Variants in EYS observed in about 807,000 individuals in gnomAD.
EYS encodes the protein EGF-like photoreceptor maintenance factor.
In EYS, 250 loss-of-function variants were observed where a neutral mutation model predicts 282.1. The ratio of observed to expected loss-of-function variants is 0.89; its 90% CI spans 0.80 to 0.98. The LOEUF (loss-of-function observed/expected upper bound fraction) is 0.98. EYS is among the 50% of genes least tolerant of loss of function. The probability of loss-of-function intolerance (pLI) is 0.00; values close to 1 mark genes in which losing one functional copy is unlikely to be tolerated. For missense variants in EYS, 4,016 were observed against 3,709.0 expected, an observed-to-expected ratio of 1.08 and a Z score of -2.15; for synonymous variants, 1,355 against 1,282.9, an observed-to-expected ratio of 1.06 and a Z score of -1.20.
chr6:63,750,375 GT>G (rs1224232643), intron 41 of EYS, among the ~76,000 whole-genome samples: 6 of 152,126 alleles, frequency 3.9e-5, no homozygotes, highest in Non-Finnish European at 8.8e-5. Flanking sequence ...CTCTATCCCA[GT>G]TTTTATATTC....
At chr6:65,614,341 T>A (rs1766109759) in intron 2 of EYS, among the ~76,000 whole-genome samples, 1 of 152,054 alleles carries the variant, frequency 6.6e-6, no homozygotes, top group African/African-American at 2.4e-5. Flanking sequence ...AGAATCTTGT[T>A]GTCTGGGGTC....
At chr6:65,441,995 C>A (rs570170762) in intron 5 of EYS, among the ~76,000 whole-genome samples, 3 of 152,114 alleles carry the variant, frequency 2.0e-5, no homozygotes, top group Non-Finnish European at 2.9e-5. Context: ...TTTTTTGTGA[C>A]ATGATTCATT....
rs752660375 is a variant in EYS at position 64,821,730 on chromosome 6, C to A, written c.3165-7G>T. The stretch of plus-strand genomic sequence containing the variant: ...ATTAATAAGTTCTGTGCACCTGAAA[C>A]ACAGAATTAGAATTACATTTTCAAA... On this transcript the variant is annotated splice_region_variant and splice_polypyrimidine_tract_variant and intron_variant, in intron 20 of 42. Transcript: ENST00000503581. The A allele has an allele frequency of 6.8e-7, 1 of 1,465,970 alleles. No individual in the cohort carries two copies. The highest frequency in any genetic ancestry group is 9.3e-7 in the Non-Finnish European group (1 of 1,073,824). 90.8% of individuals were successfully genotyped at this position (1,465,970 alleles called of 1,614,324 possible).
At chr6:64,342,671 A>C (rs1480308507) in intron 29 of EYS, among the ~76,000 whole-genome samples, 1 of 152,074 alleles carries the variant, frequency 6.6e-6, no homozygotes, top group Non-Finnish European at 1.5e-5. Context: ...CGAGCAAAAT[A>C]AGCAGCTAAC....
intron 12 of EYS, among the ~76,000 whole-genome samples, chr6:65,247,895 T>C (rs757704557): frequency 1.3e-5 from 2 of 152,062 alleles, no homozygotes; most frequent in African/African-American, 2.4e-5. Context: ...TCTTTAGGCT[T>C]TACAATTAAA....
At chr6:65,379,700 T>C (rs1464457449) in intron 8 of EYS, among the ~76,000 whole-genome samples, 2 of 151,994 alleles carry the variant, frequency 1.3e-5, no homozygotes, top group East Asian at 1.9e-4. Context: ...GAATACATGA[T>C]TGTATATTTA....
intron 2 of EYS, among the ~76,000 whole-genome samples, chr6:65,536,160 C>A (rs191154600): frequency 2.0e-5 from 3 of 151,598 alleles, no homozygotes; most frequent in South Asian, 2.1e-4. Flanking sequence ...GAGAATCATA[C>A]GACTATAGAA....
intron 31 of EYS, among the ~76,000 whole-genome samples, chr6:64,095,491 C>T (rs895503332): frequency 1.1e-4 from 16 of 151,988 alleles, no homozygotes; most frequent in African/African-American, 3.9e-4. Context: ...TTGAATTGAT[C>T]CCTTTACCAT....
intron 35 of EYS, among the ~76,000 whole-genome samples, chr6:63,983,194 A>C (rs1767183959): frequency 6.6e-6 from 1 of 151,786 alleles, no homozygotes; most frequent in African/African-American, 2.4e-5. Context: ...GAATAGGTCT[A>C]TGTTGCTGTT....
At chr6:64,992,116 C>G (rs546741779) in intron 14 of EYS, among the ~76,000 whole-genome samples, 1 of 151,744 alleles carries the variant, frequency 6.6e-6, no homozygotes, top group South Asian at 2.1e-4. Flanking sequence ...ACAATTGAGT[C>G]CAGCTCCTAC....
intron 2 of EYS, among the ~76,000 whole-genome samples, chr6:65,553,569 G>A (rs1768677805): frequency 6.6e-6 from 1 of 152,020 alleles, no homozygotes; most frequent in Non-Finnish European, 1.5e-5. Context: ...TTACCTATGA[G>A]ACTTTTGTTA....
intron 5 of EYS, among the ~76,000 whole-genome samples, chr6:65,453,747 T>G (rs1764497686): frequency 6.6e-6 from 1 of 152,034 alleles, no homozygotes; most frequent in South Asian, 2.1e-4. Flanking sequence ...TTCTTTTATT[T>G]TAGATACCAG....
At chr6:65,115,776 A>ATTT (rs60560844) in intron 12 of EYS, among the ~76,000 whole-genome samples, 1 of 151,762 alleles carries the variant, frequency 6.6e-6, no homozygotes, top group Non-Finnish European at 1.5e-5. Flanking sequence ...TAAAAGACAT[A>ATTT]GATTAGATTT....
At chr6:64,166,835 T>C (rs749831571) in intron 31 of EYS, among the ~76,000 whole-genome samples, 98 of 152,372 alleles carry the variant, frequency 6.4e-4, no homozygotes, top group Non-Finnish European at 1.0e-3. Flanking sequence ...TTGCTAATGA[T>C]AATGTATCTT....
At chr6:64,077,757 T>C (rs1025809637) in intron 32 of EYS, among the ~76,000 whole-genome samples, 8 of 152,000 alleles carry the variant, frequency 5.3e-5, no homozygotes, top group Non-Finnish European at 7.4e-5. Context: ...AGCCTCCTGA[T>C]TGATACTGCT....
At chr6:64,864,528 G>C (rs1290564179) in intron 19 of EYS, among the ~76,000 whole-genome samples, 1 of 150,402 alleles carries the variant, frequency 6.6e-6, no homozygotes, top group African/African-American at 2.4e-5. Context: ...TGGGATTACA[G>C]GCACACGCCA....
At chr6:64,037,312 A>T (rs1770169317) in intron 33 of EYS, among the ~76,000 whole-genome samples, 1 of 152,206 alleles carries the variant, frequency 6.6e-6, no homozygotes, top group African/African-American at 2.4e-5. Flanking sequence ...ACAAAATAGC[A>T]ATCTGGGCTT....
chr6:64,102,086 G>A (rs537380779), intron 31 of EYS, among the ~76,000 whole-genome samples: 23 of 152,156 alleles, frequency 1.5e-4, no homozygotes, highest in African/African-American at 5.3e-4. Flanking sequence ...CTGTGCCGCC[G>A]GTTCCTAACA....
intron 39 of EYS, among the ~76,000 whole-genome samples, chr6:63,782,953 C>CT (rs370852211): frequency 0.064 from 8,969 of 139,278 alleles, 274 homozygotes; most frequent in African/African-American, 0.085. Context: ...TGCAGTATAG[C>CT]TTTTTTTTTT....
Sources: gnomAD v4.1 joint callset for allele counts (sites outside exome capture counted in the v4.1 genomes callset) on GRCh38, gnomAD v4.1.1 for gene constraint, MANE v1.5 for transcripts, NCBI Gene and HGNC (gene_info 2026-07-23, HGNC 2026-07-21) for gene names.